Variants in PCNX1 observed in about 807,000 individuals in gnomAD.
The protein encoded by PCNX1 is pecanex 1, also known as pecanex-like protein 1.
In PCNX1, 78 loss-of-function variants were observed where a neutral mutation model predicts 242.2. The observed-to-expected ratio is 0.32, with a 90% confidence interval of 0.27 to 0.39. The LOEUF (loss-of-function observed/expected upper bound fraction) is 0.39, where lower values mean the gene tolerates loss of function less well. Among genes scored for constraint, PCNX1 ranks in the 10% least tolerant of loss-of-function variants. PCNX1 has a pLI of 1.00. For missense variants in PCNX1, 2,581 were observed against 2,856.5 expected, an observed-to-expected ratio of 0.90 and a Z score of 2.20; for synonymous variants, 1,024 against 1,032.9, an observed-to-expected ratio of 0.99 and a Z score of 0.17.
intron 28 of PCNX1, among the ~76,000 whole-genome samples, chr14:71,086,943 G>A (rs1230223147): frequency 6.6e-6 from 1 of 152,044 alleles, no homozygotes; most frequent in African/African-American, 2.4e-5. Context: ...AGCTAGGGGG[G>A]TAAATATGGT....
intron 16 of PCNX1, among the ~76,000 whole-genome samples, chr14:71,032,943 G>A (rs924009111): frequency 1.6e-4 from 25 of 152,218 alleles, no homozygotes; most frequent in Admixed American, 3.9e-4. Context: ...GGAGGACATA[G>A]TAGTTTATTA....
At chr14:71,106,781 A>G (rs370169953) in intron 33 of PCNX1, among the ~76,000 whole-genome samples, 4 of 151,866 alleles carry the variant, frequency 2.6e-5, no homozygotes, top group East Asian at 3.9e-4. Flanking sequence ...TCTTTTGCCT[A>G]TTTTTCTATT....
rs747344321 is a variant in PCNX1, at chr14:71,047,114, A to G, written c.4160+9A>G. 6.5e-7 allele frequency: 1 copy of G among 1,539,392 alleles called. No individual in the cohort carries two copies. Among genetic ancestry groups the G allele is most frequent in the Non-Finnish European group, 8.9e-7 (1 of 1,129,594 alleles). ...AAGAAACTGAATACAGAGTAAGTATAGTAGTCTTCTAATATTGTCTGACTA... is the reference window on the plus strand; with the variant it reads ...AAGAAACTGAATACAGAGTAAGTATGGTAGTCTTCTAATATTGTCTGACTA... On this transcript the variant is annotated intron_variant, in intron 21 of 35. Coordinates refer to ENST00000304743, the MANE Select transcript of PCNX1 (RefSeq NM_014982.3).
At chr14:70,912,266 G>A (rs541671099) in intron 1 of PCNX1, among the ~76,000 whole-genome samples, 2 of 151,858 alleles carry the variant, frequency 1.3e-5, no homozygotes, top group African/African-American at 4.8e-5. Flanking sequence ...AAAAAAGAAC[G>A]TTAAAATTTA....
At chr14:71,105,751 C>T (rs2062596968) in intron 33 of PCNX1, among the ~76,000 whole-genome samples, 1 of 151,650 alleles carries the variant, frequency 6.6e-6, no homozygotes, top group Non-Finnish European at 1.5e-5. Flanking sequence ...CCATGTTAGC[C>T]AGGATGTTCT....
At chr14:71,069,139 G>T (rs2061528844) in intron 26 of PCNX1, among the ~76,000 whole-genome samples, 1 of 152,074 alleles carries the variant, frequency 6.6e-6, no homozygotes, top group Admixed American at 6.6e-5. Flanking sequence ...AAAACCATCA[G>T]ATCTCTTGAG....
chr14:70,971,453 A>G (rs2058540137), intron 5 of PCNX1, among the ~76,000 whole-genome samples: 1 of 151,834 alleles, frequency 6.6e-6, no homozygotes. Context: ...CTATAGTTTT[A>G]AAACTTGCTT....
chr14:71,070,873 C>T (rs1212096695), intron 26 of PCNX1, among the ~76,000 whole-genome samples: 1 of 152,226 alleles, frequency 6.6e-6, no homozygotes, highest in Admixed American at 6.5e-5. Context: ...TGACTCCTCT[C>T]TAGCTGTGAA....
At chr14:70,916,389 A>G (rs1052570840) in intron 1 of PCNX1, among the ~76,000 whole-genome samples, 2 of 152,184 alleles carry the variant, frequency 1.3e-5, no homozygotes, top group Non-Finnish European at 2.9e-5. Context: ...TCAGCAAAGG[A>G]AGACAGAGTT....
chr14:71,010,449 T>C lies in PCNX1; in HGVS notation c.2720+725T>C, dbSNP rs142057469. Among the ~76,000 whole-genome samples, 62 of 152,224 alleles carry C rather than the reference T, an allele frequency of 4.1e-4. No individual in the cohort carries two copies. In the East Asian group the frequency reaches 0.011, roughly 28 times the overall value. On this transcript the variant is annotated intron_variant, in intron 9 of 35. Transcript: ENST00000304743. ...ACTTTCATTTTGTTTAAAATTTCTTTTACTGGCTTTAAGGAAGTATTTCTT... is the reference window on the plus strand; with the variant it reads ...ACTTTCATTTTGTTTAAAATTTCTTCTACTGGCTTTAAGGAAGTATTTCTT...
At chr14:70,979,963 C>CTT (rs372868612) in intron 6 of PCNX1, among the ~76,000 whole-genome samples, 2 of 136,590 alleles carry the variant, frequency 1.5e-5, no homozygotes, top group Non-Finnish European at 1.6e-5. Context: ...ATAGTTCTCT[C>CTT]TTTTTTTTTT....
chr14:70,943,542 GT>G (rs869230455), intron 1 of PCNX1, among the ~76,000 whole-genome samples: 18 of 152,308 alleles, frequency 1.2e-4, no homozygotes, highest in Admixed American at 1.1e-3. Flanking sequence ...GCAGCAAAGT[GT>G]TCAAGAGGTG....
intron 1 of PCNX1, among the ~76,000 whole-genome samples, chr14:70,908,456 G>A (rs2055671393): frequency 6.6e-6 from 1 of 152,110 alleles, no homozygotes. Flanking sequence ...CCTCGTCCGG[G>A]GCTCCCGGGA....
intron 11 of PCNX1, among the ~76,000 whole-genome samples, chr14:71,018,505 T>G (rs1268357742): frequency 1.3e-5 from 2 of 152,002 alleles, no homozygotes; most frequent in Admixed American, 1.3e-4. Context: ...AGTAAGTGAG[T>G]TTTCTAATTC....
intron 28 of PCNX1, among the ~76,000 whole-genome samples, chr14:71,082,729 A>G (rs1168167620): frequency 6.6e-6 from 1 of 151,452 alleles, no homozygotes; most frequent in Non-Finnish European, 1.5e-5. Flanking sequence ...CTTTATTTTG[A>G]GCCTATGTGT....
intron 29 of PCNX1, 90 bp downstream of exon 29, chr14:71,088,520 A>G (rs900230395): frequency 1.2e-5 from 8 of 681,842 alleles, no homozygotes; most frequent in South Asian, 3.8e-5. Context: ...CATGTATTCT[A>G]TGCTAATTTA....
At chr14:70,984,664 G>T (rs34968850) in intron 6 of PCNX1, among the ~76,000 whole-genome samples, 17,668 of 152,058 alleles carry the variant, frequency 0.12, 1,137 homozygotes, top group Admixed American at 0.19. Context: ...GGGATTACAG[G>T]CGTGAGCCAC....
chr14:70,907,664 C>T lies in PCNX1; in HGVS notation c.-187C>T. On this transcript the variant is annotated 5_prime_UTR_variant, in exon 1 of 36. Coordinates refer to ENST00000304743, the MANE Select transcript of PCNX1 (RefSeq NM_014982.3). ...CCGCCTCCTCCTCTCGGGTCTCCTC[C>T]TCCTCGTTTGCTGCCTCCTCCTCCT... The T allele has an allele frequency of 3.3e-6, 2 of 602,142 alleles. No individual in the cohort carries two copies. Among genetic ancestry groups the T allele is most frequent in the Non-Finnish European group, 4.5e-6 (2 of 440,090 alleles). 37.3% of individuals were successfully genotyped at this position (602,142 alleles called of 1,614,324 possible).
chr14:71,031,120 C>T (rs1267491812), intron 16 of PCNX1, among the ~76,000 whole-genome samples: 1 of 152,200 alleles, frequency 6.6e-6, no homozygotes, highest in Non-Finnish European at 1.5e-5. Flanking sequence ...TCACTGTGCC[C>T]AAGAGCCCTG....
Sources: allele counts gnomAD v4.1 joint callset (sites outside exome capture counted in the v4.1 genomes callset), GRCh38; gene constraint gnomAD v4.1.1; transcripts MANE v1.5; gene names NCBI Gene and HGNC (gene_info 2026-07-23, HGNC 2026-07-21).